Variants in SNX13 observed in about 807,000 individuals in gnomAD.
The protein encoded by SNX13 is sorting nexin-13.
A neutral mutation model predicts 133.6 loss-of-function variants in SNX13; 45 were observed. The ratio of observed to expected loss-of-function variants is 0.34; its 90% CI spans 0.27 to 0.43. SNX13 has a LOEUF of 0.43. Among genes scored for constraint, SNX13 ranks in the 20% least tolerant of loss-of-function variants. The probability of loss-of-function intolerance (pLI) is 1.00; values close to 1 mark genes in which losing one functional copy is unlikely to be tolerated. For missense variants in SNX13, 1,032 were observed against 1,145.1 expected (o/e 0.90, Z 1.43); for synonymous variants, 414 against 373.9 (o/e 1.11, Z -1.24).
At chr7:17,843,182 T>G (rs1170479580) in intron 12 of SNX13, among the ~76,000 whole-genome samples, 1 of 151,896 alleles carries the variant, frequency 6.6e-6, no homozygotes, top group Non-Finnish European at 1.5e-5. Context: ...TGATATACTG[T>G]CTACAAAGAC....
At chr7:17,823,163 C>G (rs1787493745) in intron 17 of SNX13, among the ~76,000 whole-genome samples, 1 of 152,128 alleles carries the variant, frequency 6.6e-6, no homozygotes, top group Admixed American at 6.5e-5. Flanking sequence ...TGCTTTAACA[C>G]CCCTTCAATT....
chr7:17,808,438 A>C (rs1785578105), intron 20 of SNX13, among the ~76,000 whole-genome samples: 1 of 152,228 alleles, frequency 6.6e-6, no homozygotes, highest in East Asian at 1.9e-4. Context: ...AAAGCCTCCA[A>C]GAAATATGAG....
At chr7:17,921,609 T>G (rs1800138060) in intron 1 of SNX13, among the ~76,000 whole-genome samples, 1 of 152,200 alleles carries the variant, frequency 6.6e-6, no homozygotes, top group South Asian at 2.1e-4. Context: ...CCATTTCCTG[T>G]AAAAGCCCCT....
intron 15 of SNX13, chr7:17,831,869 A>G (rs1788530033): frequency 1.0e-6 from 1 of 984,258 alleles, no homozygotes; most frequent in Non-Finnish European, 1.2e-6. Flanking sequence ...AGAAAGGTAA[A>G]CCAGTGGCCT....
chr7:17,918,399 T>C (rs938133049), intron 1 of SNX13, among the ~76,000 whole-genome samples: 2 of 149,036 alleles, frequency 1.3e-5, no homozygotes, highest in African/African-American at 2.5e-5. Flanking sequence ...AGGAATAATA[T>C]CCAGAATCCG....
intron 1 of SNX13, among the ~76,000 whole-genome samples, chr7:17,902,414 T>C (rs906751825): frequency 2.0e-5 from 3 of 152,314 alleles, no homozygotes; most frequent in African/African-American, 7.2e-5. Context: ...AATGTTAAAC[T>C]GTTCATTGAA....
At position 17,805,259 on chromosome 7, in the gene SNX13, GCGCGCGCA is replaced by G. The variant is rs773647203; in HGVS notation, c.2065-1687_2065-1680del. ...TGTGTGTGTGTGTGTGTGCGTGCGCGCGCGCGCATGCATGCACATGTGTAATTCTAATT... is the reference window on the plus strand; with the variant it reads ...TGTGTGTGTGTGTGTGTGCGTGCGCGTGCATGCACATGTGTAATTCTAATT... On this transcript the variant is annotated intron_variant, in intron 20 of 25. Transcript: ENST00000428135. Among the ~76,000 whole-genome samples, 820 of 147,506 alleles carry G rather than the reference GCGCGCGCA, an allele frequency of 5.6e-3. 8 individuals carry two copies. Among genetic ancestry groups the G allele is most frequent in the African/African-American group, 0.015 (621 of 40,200 alleles).
At chr7:17,923,336 T>C (rs1301015959) in intron 1 of SNX13, among the ~76,000 whole-genome samples, 2 of 152,194 alleles carry the variant, frequency 1.3e-5, no homozygotes, top group African/African-American at 2.4e-5. Flanking sequence ...TATGTATTTA[T>C]ATACTGTCAA....
In SNX13 at chr7:17,826,096, G is replaced by GAA; in HGVS notation, c.1636-7_1636-6dup. ...ATTTGAAAGGTCATCTAAAGACTGA[G>GAA]AAAAAAAAATCAGGAAACAAATTTT... On this transcript the variant is annotated splice_polypyrimidine_tract_variant and splice_region_variant and intron_variant, in intron 16 of 25. Transcript: ENST00000428135. 6.8e-7 allele frequency: 1 copy of GAA among 1,460,154 alleles called. No individual in the cohort carries two copies. Among genetic ancestry groups the GAA allele is most frequent in the Non-Finnish European group, 9.1e-7 (1 of 1,101,924 alleles). The allele number at this position is 1,460,154 out of a possible 1,614,324, so 90.4% of individuals were successfully genotyped here.
chr7:17,872,206 TA>T (rs1370547890), intron 8 of SNX13, among the ~76,000 whole-genome samples: 1 of 152,112 alleles, frequency 6.6e-6, no homozygotes, highest in Non-Finnish European at 1.5e-5. Flanking sequence ...AGATCTTGAA[TA>T]ATCAAAATTT....
At chr7:17,870,103 G>A (rs536975651) in intron 8 of SNX13, among the ~76,000 whole-genome samples, 2 of 152,268 alleles carry the variant, frequency 1.3e-5, no homozygotes, top group Non-Finnish European at 2.9e-5. Context: ...TTCCAAGCAA[G>A]TAGGCACTTC....
chr7:17,811,726 A>C lies in SNX13; in HGVS notation c.2064+3108T>G, dbSNP rs1786047811. Among the ~76,000 whole-genome samples the C allele has an allele frequency of 3.3e-5, 5 of 152,256 alleles. No homozygotes were observed. The South Asian group carries it at 1.0e-3, about 31-fold the overall frequency. On this transcript the variant is annotated intron_variant, in intron 20 of 25. Coordinates refer to ENST00000428135, the MANE Select transcript of SNX13 (RefSeq NM_015132.5). ...CAAAAAGATCAAAGCTGGAGGCATC[A>C]TGCTACCTGACTTCAAACTATACTA...
chr7:17,870,088 A>C lies in SNX13; in HGVS notation c.754-1598T>G, dbSNP rs569955274. Among the ~76,000 whole-genome samples the C allele has an allele frequency of 3.9e-4, 59 of 152,298 alleles. 3 individuals carry two copies. In the South Asian group the frequency reaches 9.5e-3, roughly 25 times the overall value. On this transcript the variant is annotated intron_variant, in intron 8 of 25. Coordinates refer to ENST00000428135, the MANE Select transcript of SNX13 (RefSeq NM_015132.5). ...GACTCAAGGTCCTAGTGAGAGCTCT[A>C]AATATTCCAAGCAAGTAGGCACTTC...
chr7:17,927,529 C>G (rs1800900901), intron 1 of SNX13, among the ~76,000 whole-genome samples: 2 of 152,152 alleles, frequency 1.3e-5, no homozygotes, highest in Admixed American at 6.5e-5. Flanking sequence ...AGGCATGAGC[C>G]ACAGCACTCA....
At chr7:17,815,705 A>G (rs1000703406) in intron 19 of SNX13, among the ~76,000 whole-genome samples, 3 of 152,244 alleles carry the variant, frequency 2.0e-5, no homozygotes, top group African/African-American at 4.8e-5. Context: ...AACTGCTAAT[A>G]TAACAACATT....
rs1390496805 is a variant in SNX13, at chr7:17,893,317, C to T, written c.228+15G>A. 10 of 1,522,448 alleles carry T rather than the reference C, an allele frequency of 6.6e-6. No individual in the cohort carries two copies. Among genetic ancestry groups the T allele is most frequent in the Admixed American group, 1.9e-5 (1 of 52,208 alleles). 94.3% of individuals were successfully genotyped at this position (1,522,448 alleles called of 1,614,324 possible). ...AACTGGACTTTGAGGTTTTATATTCCCTCAAACGATTTACCTTAGGAACCC... is the reference window on the plus strand; with the variant it reads ...AACTGGACTTTGAGGTTTTATATTCTCTCAAACGATTTACCTTAGGAACCC... On this transcript the variant is annotated intron_variant, in intron 3 of 25. Transcript: ENST00000428135.
intron 1 of SNX13, among the ~76,000 whole-genome samples, chr7:17,905,064 A>G (rs1798247577): frequency 6.6e-6 from 1 of 152,226 alleles, no homozygotes; most frequent in South Asian, 2.1e-4. Flanking sequence ...AAAGGACCTT[A>G]AAGTGTTCCT....
chr7:17,895,982 T>G (rs1797162251), intron 2 of SNX13, among the ~76,000 whole-genome samples: 1 of 152,112 alleles, frequency 6.6e-6, no homozygotes, highest in Non-Finnish European at 1.5e-5. Context: ...TAGAAGAAAT[T>G]TCTACCTTTC....
intron 12 of SNX13, among the ~76,000 whole-genome samples, chr7:17,841,743 G>A (rs1789931219): frequency 6.6e-6 from 1 of 151,418 alleles, no homozygotes; most frequent in Admixed American, 6.6e-5. Flanking sequence ...ATGCCCAAAA[G>A]ACTAAAGAAA....
Sources: allele counts gnomAD v4.1 joint callset (sites outside exome capture counted in the v4.1 genomes callset), GRCh38; gene constraint gnomAD v4.1.1; transcripts MANE v1.5; gene names NCBI Gene and HGNC (gene_info 2026-07-23, HGNC 2026-07-21).